PPP1R16B: variants seen among roughly 807,000 people sequenced by gnomAD.
The protein encoded by PPP1R16B is protein phosphatase 1 regulatory inhibitor subunit 16B.
A neutral mutation model predicts 61.7 loss-of-function variants in PPP1R16B; 14 were observed. The observed-to-expected ratio is 0.23, with a 90% CI of 0.15 to 0.35. PPP1R16B has a LOEUF of 0.35. PPP1R16B is among the 10% of genes least tolerant of loss of function. PPP1R16B has a pLI of 1.00. For synonymous variants in PPP1R16B, 266 were observed against 305.3 expected (o/e 0.87, Z 1.34); for missense variants, 547 against 752.5 (o/e 0.73, Z 3.19).
chr20:38,917,163 G>A (rs1341899672), intron 10 of PPP1R16B, among the ~76,000 whole-genome samples: 2 of 152,050 alleles, frequency 1.3e-5, no homozygotes, highest in African/African-American at 4.8e-5. Flanking sequence ...GGGTGTGGTG[G>A]TACGTGCCTG....
chr20:38,807,516 C>G (rs2084670429), intron 1 of PPP1R16B, among the ~76,000 whole-genome samples: 1 of 152,136 alleles, frequency 6.6e-6, no homozygotes, highest in East Asian at 1.9e-4. Flanking sequence ...TCCACATCTT[C>G]CTCCCCCAGC....
chr20:38,809,923 G>C (rs1478928812), intron 1 of PPP1R16B, among the ~76,000 whole-genome samples: 1 of 140,906 alleles, frequency 7.1e-6, no homozygotes, highest in Non-Finnish European at 1.5e-5. Flanking sequence ...GGAGGCTCCT[G>C]TGAGCCATGA....
chr20:38,893,873 G>T (rs905810043), intron 3 of PPP1R16B, among the ~76,000 whole-genome samples: 3 of 152,090 alleles, frequency 2.0e-5, no homozygotes, highest in Non-Finnish European at 4.4e-5. Context: ...CTAGGGGTTG[G>T]ATTTCTGGCC....
At position 38,855,334 on chromosome 20, in the gene PPP1R16B, A is replaced by T. The variant is rs1198914311; in HGVS notation, c.250+19159A>T. On this transcript the variant is annotated intron_variant, in intron 2 of 10. Coordinates refer to ENST00000299824, the MANE Select transcript of PPP1R16B (RefSeq NM_015568.4). ...TTGCTTTCTCTAAACTTTTGGAATT[A>T]ATACAATCTGTTCCCTTGTTATTAA... Among the ~76,000 whole-genome samples, 3 of 152,146 alleles carry T rather than the reference A, an allele frequency of 2.0e-5. No homozygotes were observed. In the East Asian group the frequency reaches 5.8e-4, roughly 29 times the overall value.
chr20:38,848,896 C>T (rs752813339), intron 2 of PPP1R16B, among the ~76,000 whole-genome samples: 5 of 152,172 alleles, frequency 3.3e-5, no homozygotes, highest in Non-Finnish European at 5.9e-5. Flanking sequence ...ATAATCTGTA[C>T]AGCAAACTCC....
At chr20:38,902,423 G>A (rs2085401890) in intron 5 of PPP1R16B, among the ~76,000 whole-genome samples, 1 of 152,226 alleles carries the variant, frequency 6.6e-6, no homozygotes. Context: ...TAGAAGAACA[G>A]CATATGCAAA....
intron 10 of PPP1R16B, among the ~76,000 whole-genome samples, chr20:38,913,579 GC>G (rs2085509291): frequency 6.6e-6 from 1 of 152,132 alleles, no homozygotes; most frequent in Admixed American, 6.5e-5. Flanking sequence ...GTTTTTTAAA[GC>G]TAAAGAGAGA....
intron 1 of PPP1R16B, among the ~76,000 whole-genome samples, chr20:38,834,072 G>A (rs1160612362): frequency 1.3e-5 from 2 of 152,196 alleles, no homozygotes; most frequent in Non-Finnish European, 2.9e-5. Context: ...CTTGCCTGCT[G>A]GTTCACAAAC....
intron 1 of PPP1R16B, among the ~76,000 whole-genome samples, chr20:38,813,985 A>C (rs2084718997): frequency 1.3e-5 from 2 of 151,752 alleles, no homozygotes. Context: ...TTAGTAGAGA[A>C]GGGGTTTCAC....
At chr20:38,887,862 C>T (rs933519071) in intron 2 of PPP1R16B, among the ~76,000 whole-genome samples, 7 of 152,200 alleles carry the variant, frequency 4.6e-5, no homozygotes, top group Non-Finnish European at 7.3e-5. Context: ...TCGGTTCACA[C>T]TGAGGCCTAG....
In PPP1R16B at chr20:38,918,741, G is replaced by T. The variant is rs1406567547; in HGVS notation, c.*75G>T. On this transcript the variant is annotated 3_prime_UTR_variant, in exon 11 of 11. Transcript: ENST00000299824. The surrounding 1 kb of genome is among the most constrained non-coding windows in gnomAD (Gnocchi z 5.3). ...CAGGCCAGCCCAACAGCCCTGGCTG[G>T]GGAGGTGTCAGGGCAGCTGGGGAGA... The T allele has an allele frequency of 1.5e-5, 21 of 1,436,022 alleles. No homozygotes were observed. The highest frequency in any genetic ancestry group is 4.6e-6 in the Non-Finnish European group (5 of 1,090,982). The allele number at this position is 1,436,022 out of a possible 1,614,324, so 89.0% of individuals were successfully genotyped here.
At chr20:38,874,386 T>A (rs1047343109) in intron 2 of PPP1R16B, among the ~76,000 whole-genome samples, 2 of 152,168 alleles carry the variant, frequency 1.3e-5, no homozygotes, top group Non-Finnish European at 2.9e-5. Flanking sequence ...GGTCAGCACT[T>A]TATAATCTAA....
chr20:38,856,629 T>C (rs1368670196), intron 2 of PPP1R16B, among the ~76,000 whole-genome samples: 1 of 152,118 alleles, frequency 6.6e-6, no homozygotes, highest in Non-Finnish European at 1.5e-5. Context: ...TTCATCCTTC[T>C]CTCAACCAGA....
intron 2 of PPP1R16B, among the ~76,000 whole-genome samples, chr20:38,864,644 G>A (rs907630263): frequency 6.6e-6 from 1 of 152,168 alleles, no homozygotes; most frequent in Non-Finnish European, 1.5e-5. Flanking sequence ...ACTGCAACCA[G>A]AGGTCGGACT....
chr20:38,856,189 G>A (rs1406352681), intron 2 of PPP1R16B, among the ~76,000 whole-genome samples: 1 of 151,784 alleles, frequency 6.6e-6, no homozygotes, highest in Non-Finnish European at 1.5e-5. Context: ...AAGTAGCTGG[G>A]GCAAGAGGGA....
chr20:38,921,142 C>T lies in PPP1R16B; in HGVS notation c.*2476C>T, dbSNP rs1026495166. 6.6e-6 allele frequency: 1 copy of T among 152,166 alleles called. No individual in the cohort carries two copies. The highest frequency in any genetic ancestry group is 6.5e-5 in the Admixed American group (1 of 15,278). The allele number at this position is 152,166 out of a possible 1,614,324, so 9.4% of individuals were successfully genotyped here. A position where few individuals can be genotyped will look rare whatever the true frequency, so the allele number is the denominator to read the frequency against. On this transcript the variant is annotated 3_prime_UTR_variant, in exon 11 of 11. Coordinates refer to ENST00000299824, the MANE Select transcript of PPP1R16B (RefSeq NM_015568.4). ...TCCCAGCTGATTCCCTGACAGGAGC[C>T]GACTTCACACACAGGTGACTCTCAG...
At chr20:38,903,797 G>A (rs2085417944) in intron 6 of PPP1R16B, among the ~76,000 whole-genome samples, 1 of 152,150 alleles carries the variant, frequency 6.6e-6, no homozygotes, top group African/African-American at 2.4e-5. Flanking sequence ...AACCTCCCTG[G>A]CCACTCCTCA....
intron 2 of PPP1R16B, among the ~76,000 whole-genome samples, chr20:38,855,268 A>G (rs2084996297): frequency 6.6e-6 from 1 of 152,112 alleles, no homozygotes; most frequent in Non-Finnish European, 1.5e-5. Flanking sequence ...CCATCTTAAT[A>G]ACAAAAGCTC....
At chr20:38,896,504 C>T (rs2085350644) in intron 4 of PPP1R16B, among the ~76,000 whole-genome samples, 1 of 151,784 alleles carries the variant, frequency 6.6e-6, no homozygotes, top group African/African-American at 2.4e-5. Context: ...TCTTCTATCT[C>T]TGTCTCTCCT....
Sources: allele counts gnomAD v4.1 joint callset (sites outside exome capture counted in the v4.1 genomes callset), GRCh38; gene constraint gnomAD v4.1.1; non-coding constraint Gnocchi (gnomAD v3.1); transcripts MANE v1.5; gene names NCBI Gene and HGNC (gene_info 2026-07-23, HGNC 2026-07-21).